SLC24A4: variants seen among roughly 807,000 people sequenced by gnomAD.
SLC24A4 encodes the protein sodium/potassium/calcium exchanger 4.
Under a neutral mutation model 79.0 loss-of-function variants are expected in SLC24A4, and 53 were observed. That is an observed-to-expected ratio of 0.67 (90% CI 0.54 to 0.84). The LOEUF (loss-of-function observed/expected upper bound fraction) is 0.84. Ranked by LOEUF, SLC24A4 falls within the 40% of genes least tolerant of loss-of-function variation. The pLI is 0.00. For synonymous variants in SLC24A4, 323 were observed against 323.8 expected, an observed-to-expected ratio of 1.00 and a Z score of 0.03; for missense variants, 731 against 822.0, an observed-to-expected ratio of 0.89 and a Z score of 1.35.
At chr14:92,489,715 C>T (rs553080595) in intron 14 of SLC24A4, among the ~76,000 whole-genome samples, 1 of 152,280 alleles carries the variant, frequency 6.6e-6, no homozygotes, top group South Asian at 2.1e-4. Context: ...AAATTTGAGT[C>T]GCACTGCCCT....
chr14:92,486,533 G>T, intron 13 of SLC24A4, 133 bp from the exon 14 acceptor site: 2 of 631,590 alleles, frequency 3.2e-6, no homozygotes, highest in Non-Finnish European at 5.6e-6. Flanking sequence ...GTTTTGTTTT[G>T]TTTTAAAAGA....
chr14:92,330,793 G>A (rs1426768714), intron 2 of SLC24A4, among the ~76,000 whole-genome samples: 2 of 152,122 alleles, frequency 1.3e-5, no homozygotes, highest in African/African-American at 4.8e-5. Context: ...TTCCATCATG[G>A]GGGCCATACC....
chr14:92,387,779 C>T (rs1242096676), intron 2 of SLC24A4, among the ~76,000 whole-genome samples: 2 of 152,226 alleles, frequency 1.3e-5, no homozygotes, highest in African/African-American at 4.8e-5. Context: ...TTGGCTGCTC[C>T]AGGTACCTCA....
chr14:92,355,668 T>A (rs1887140103), intron 2 of SLC24A4, among the ~76,000 whole-genome samples: 1 of 152,152 alleles, frequency 6.6e-6, no homozygotes. Flanking sequence ...GGGCCTGGGG[T>A]GCTGCCTGCT....
rs1174509848 is a variant in SLC24A4, at chr14:92,442,828, C to T, written c.582+12C>T. 6.2e-7 allele frequency: 1 copy of T among 1,606,928 alleles called. No homozygotes were observed. The highest frequency in any genetic ancestry group is 8.5e-7 in the Non-Finnish European group (1 of 1,173,676). On this transcript the variant is annotated intron_variant, in intron 6 of 16. Transcript: ENST00000532405. Reference sequence around the variant, plus strand: ...TGTTTGCTGGCCAGGTCAGTGGTTTCTCCCTGGGCCCGGCAGATGCATGCC... The same window carrying T: ...TGTTTGCTGGCCAGGTCAGTGGTTTTTCCCTGGGCCCGGCAGATGCATGCC...
intron 12 of SLC24A4, among the ~76,000 whole-genome samples, chr14:92,479,299 T>C (rs1043884859): frequency 2.0e-5 from 3 of 152,192 alleles, no homozygotes; most frequent in African/African-American, 4.8e-5. Context: ...AGGGTTGCAA[T>C]AGCTTTCAAT....
rs1566795739 is a variant in SLC24A4, at chr14:92,474,858, T to TAG, written c.1256-7821_1256-7820insGA. 2.0e-4 allele frequency among the ~76,000 whole-genome samples: 13 copies of TAG among 65,802 alleles called. 1 individual carries two copies. The highest frequency in any genetic ancestry group is 1.8e-3 in the East Asian group (3 of 1,624). 43.2% of individuals were successfully genotyped at this position (65,802 alleles called of 152,430 possible). On this transcript the variant is annotated intron_variant, in intron 12 of 16. Transcript: ENST00000532405. ...GTGTGTGTGTGTATATATATATATA[T>TAG]ATATATTTTTTTTTTTTTTAGTAGA... is the stretch of plus-strand genomic sequence containing the variant.
At chr14:92,438,282 A>G (rs1005846603) in intron 3 of SLC24A4, among the ~76,000 whole-genome samples, 1 of 152,136 alleles carries the variant, frequency 6.6e-6, no homozygotes, top group Non-Finnish European at 1.5e-5. Context: ...TTTGACTTCC[A>G]TTTACCAATT....
chr14:92,437,117 A>C (rs1469084884), intron 3 of SLC24A4, among the ~76,000 whole-genome samples: 1 of 152,186 alleles, frequency 6.6e-6, no homozygotes, highest in East Asian at 1.9e-4. Context: ...TTTTCTTTGA[A>C]GAAAGAAATG....
chr14:92,471,850 A>C (rs1894456550), intron 12 of SLC24A4, among the ~76,000 whole-genome samples: 1 of 152,212 alleles, frequency 6.6e-6, no homozygotes, highest in African/African-American at 2.4e-5. Flanking sequence ...CCAGATGAGA[A>C]CAATGAATGC....
chr14:92,412,253 C>G (rs1413891244), intron 2 of SLC24A4, among the ~76,000 whole-genome samples: 1 of 151,968 alleles, frequency 6.6e-6, no homozygotes, highest in Non-Finnish European at 1.5e-5. Flanking sequence ...CAGGCTCTTA[C>G]CCGAAACGCA....
chr14:92,397,077 A>G (rs1463472467), intron 2 of SLC24A4, among the ~76,000 whole-genome samples: 1 of 152,206 alleles, frequency 6.6e-6, no homozygotes, highest in East Asian at 1.9e-4. Context: ...GACTGCTTAT[A>G]AAGTCTTAGT....
intron 2 of SLC24A4, among the ~76,000 whole-genome samples, chr14:92,349,532 AT>A (rs1886751560): frequency 6.6e-6 from 1 of 152,196 alleles, no homozygotes; most frequent in African/African-American, 2.4e-5. Flanking sequence ...GTAGATTGGC[AT>A]GAAGTTGTCA....
chr14:92,436,575 A>G (rs1014207164), intron 3 of SLC24A4, among the ~76,000 whole-genome samples: 1 of 152,252 alleles, frequency 6.6e-6, no homozygotes, highest in African/African-American at 2.4e-5. Flanking sequence ...AACCCTTTAC[A>G]GAAAAAATTT....
chr14:92,447,310 T>C, intron 8 of SLC24A4, 61 bp from the exon 9 acceptor site: 1 of 1,519,938 alleles, frequency 6.6e-7, no homozygotes, highest in Non-Finnish European at 9.1e-7. Flanking sequence ...GACCCCTCAT[T>C]CCCAGCCTTC....
At chr14:92,437,607 C>T (rs998988973) in intron 3 of SLC24A4, among the ~76,000 whole-genome samples, 10 of 152,230 alleles carry the variant, frequency 6.6e-5, no homozygotes, top group African/African-American at 1.7e-4. Context: ...GCCTTAGAAT[C>T]TGGGTTCTTT....
chr14:92,334,202 G>A (rs1401109000), intron 2 of SLC24A4, among the ~76,000 whole-genome samples: 2 of 152,212 alleles, frequency 1.3e-5, no homozygotes, highest in Non-Finnish European at 2.9e-5. Context: ...TTACTACTAT[G>A]GGCAGGGAAA....
chr14:92,326,440 T>A (rs886831184), intron 2 of SLC24A4, among the ~76,000 whole-genome samples: 1 of 151,948 alleles, frequency 6.6e-6, no homozygotes, highest in Non-Finnish European at 1.5e-5. Context: ...TCTGGGGTGC[T>A]GCGGCTGTTT....
Position 92,447,709 on chromosome 14 carries a change from C to T in SLC24A4, c.737+285C>T, listed in dbSNP as rs952995283. Among the ~76,000 whole-genome samples the T allele has an allele frequency of 4.6e-5, 7 of 152,338 alleles. No individual in the cohort carries two copies. The East Asian group carries it at 9.6e-4, about 21-fold the overall frequency. The stretch of plus-strand genomic sequence containing the variant: ...AAGTAGCATGCAAGGGCCTCTTTCC[C>T]GCCCTGCTCTGGGCAGCTTCTCCAT... On this transcript the variant is annotated intron_variant, in intron 9 of 16. Transcript: ENST00000532405.
Sources: gnomAD v4.1 joint callset for allele counts (sites outside exome capture counted in the v4.1 genomes callset) on GRCh38, gnomAD v4.1.1 for gene constraint, MANE v1.5 for transcripts, NCBI Gene and HGNC (gene_info 2026-07-23, HGNC 2026-07-21) for gene names.